ENTREP1: variants seen among roughly 807,000 people sequenced by gnomAD.
ENTREP1 encodes the protein endosomal transmembrane epsin interactor 1, also known as Friedreich ataxia region gene X123.
At chr9:69,378,941 G>T in the ENTREP1 span, among the ~76,000 whole-genome samples, 1 of 152,226 alleles carries the variant, frequency 6.6e-6, no homozygotes, top group Non-Finnish European at 1.5e-5. Flanking sequence ...GAGGGACTTT[G>T]GGTGCACAGA....
chr9:69,325,797 C>A, the ENTREP1 span: 5 of 1,211,504 alleles, frequency 4.1e-6, no homozygotes, highest in Non-Finnish European at 5.1e-6. Flanking sequence ...CTCTCCATTG[C>A]CCCTTTGTTG....
chr9:69,387,992 T>TGG, the ENTREP1 span: 2 of 1,519,002 alleles, frequency 1.3e-6, no homozygotes, highest in East Asian at 2.5e-5. Flanking sequence ...GGGAATAACC[T>TGG]TGTGTTGTTT....
At chr9:69,343,536 G>T in the ENTREP1 span, among the ~76,000 whole-genome samples, 1 of 152,236 alleles carries the variant, frequency 6.6e-6, no homozygotes, top group South Asian at 2.1e-4. Flanking sequence ...GATCTCCCTG[G>T]CTCAGGTGAT....
chr9:69,387,871 A>G, the ENTREP1 span: 22 of 1,327,318 alleles, frequency 1.7e-5, no homozygotes, highest in Non-Finnish European at 2.1e-5. Context: ...TAACCTCATT[A>G]TGGTTTGCAT....
At chr9:69,325,332 C>G in the ENTREP1 span, 1 of 1,172,256 alleles carries the variant, frequency 8.5e-7, no homozygotes, top group Non-Finnish European at 1.1e-6. Context: ...GTGGTGCTCC[C>G]GGGCTCCTGC....
the ENTREP1 span, among the ~76,000 whole-genome samples, chr9:69,356,866 G>T: frequency 6.6e-6 from 1 of 152,062 alleles, no homozygotes; most frequent in African/African-American, 2.4e-5. Flanking sequence ...TTAATGTAGG[G>T]GTGATAGTAA....
chr9:69,378,831 A>G, the ENTREP1 span, among the ~76,000 whole-genome samples: 1 of 152,026 alleles, frequency 6.6e-6, no homozygotes, highest in Non-Finnish European at 1.5e-5. Context: ...GGGTTATTGG[A>G]ATTCAAAATG....
the ENTREP1 span, among the ~76,000 whole-genome samples, chr9:69,354,180 G>C: frequency 1.3e-5 from 2 of 150,474 alleles, no homozygotes; most frequent in Non-Finnish European, 3.0e-5. Context: ...GACCCACATT[G>C]CACTTAGCTG....
the ENTREP1 span, chr9:69,375,976 C>T: frequency 8.5e-7 from 1 of 1,182,308 alleles, no homozygotes; most frequent in Non-Finnish European, 1.2e-6. Context: ...AATTAAGCTG[C>T]TGAAAGCGCA....
At chr9:69,360,889 T>C in the ENTREP1 span, among the ~76,000 whole-genome samples, 1 of 102,144 alleles carries the variant, frequency 9.8e-6, no homozygotes, top group Non-Finnish European at 2.1e-5. Flanking sequence ...AAATCTTGCA[T>C]GTAAATTGCA....
At chr9:69,335,852 C>T in the ENTREP1 span, among the ~76,000 whole-genome samples, 6 of 152,074 alleles carry the variant, frequency 3.9e-5, no homozygotes, top group Admixed American at 2.0e-4. Flanking sequence ...GTAGTCCTGA[C>T]GTGCGCCTGT....
chr9:69,379,490 G>A, the ENTREP1 span: 3 of 152,436 alleles, frequency 2.0e-5, no homozygotes, highest in East Asian at 5.8e-4. Flanking sequence ...GAATTTCAAA[G>A]CCTCAGGGGC....
the ENTREP1 span, chr9:69,375,969 T>G: frequency 7.9e-7 from 1 of 1,273,100 alleles, no homozygotes. Flanking sequence ...CTCAAACAAT[T>G]AAGCTGCTGA....
chr9:69,383,735 G>A, the ENTREP1 span: 5 of 1,614,140 alleles, frequency 3.1e-6, no homozygotes, highest in South Asian at 1.1e-5. Flanking sequence ...ATGAAGCTGT[G>A]GTGAGCCAGA....
the ENTREP1 span, among the ~76,000 whole-genome samples, chr9:69,358,669 G>T: frequency 6.6e-6 from 1 of 152,242 alleles, no homozygotes; most frequent in East Asian, 1.9e-4. Context: ...TGAAGTAAAA[G>T]TTCCTGCTTT....
chr9:69,386,258 A>T, the ENTREP1 span: 2 of 206,458 alleles, frequency 9.7e-6, no homozygotes, highest in Admixed American at 5.9e-5. Flanking sequence ...TGATTTCTAG[A>T]TGCTGCAATC....
chr9:69,355,953 TATAAC>T, the ENTREP1 span, among the ~76,000 whole-genome samples: 4 of 152,228 alleles, frequency 2.6e-5, no homozygotes, highest in Non-Finnish European at 5.9e-5. Flanking sequence ...GTAAAACATA[TATAAC>T]ATAACATAAA....
the ENTREP1 span, among the ~76,000 whole-genome samples, chr9:69,357,831 T>C: frequency 6.6e-6 from 1 of 152,068 alleles, no homozygotes; most frequent in Non-Finnish European, 1.5e-5. Context: ...GCCTTGTCTT[T>C]AATTATTTTT....
the ENTREP1 span, among the ~76,000 whole-genome samples, chr9:69,360,029 A>G: frequency 3.9e-4 from 45 of 116,118 alleles, no homozygotes; most frequent in Non-Finnish European, 6.5e-4. Flanking sequence ...CTCATTTTTT[A>G]TAAGTAAATA....
Sources: gnomAD v4.1 joint callset for allele counts (sites outside exome capture counted in the v4.1 genomes callset) on GRCh38, gnomAD v4.1.1 for gene constraint, MANE v1.5 for transcripts, NCBI Gene and HGNC (gene_info 2026-07-23, HGNC 2026-07-21) for gene names.